The following C19orf47 variants were observed in gnomAD, a reference collection of about 807,000 sequenced individuals.
C19orf47 encodes the protein chromosome 19 open reading frame 47, also known as uncharacterized protein C19orf47.
In C19orf47, 18 loss-of-function variants were observed where a neutral mutation model predicts 32.3. The observed-to-expected ratio is 0.56, with a 90% CI of 0.39 to 0.83. The LOEUF (loss-of-function observed/expected upper bound fraction) is 0.83. C19orf47 is among the 40% of genes least tolerant of loss of function. C19orf47 has a pLI of 0.00. For missense variants in C19orf47, 484 were observed against 531.6 expected (o/e 0.91, Z 0.88); for synonymous variants, 202 against 211.1 (o/e 0.96, Z 0.37).
chr19:40,316,938 C>T (rs1030943558), downstream of C19orf47, among the ~76,000 whole-genome samples: 19 of 140,448 alleles, frequency 1.4e-4, no homozygotes, highest in African/African-American at 4.7e-4. Flanking sequence ...ATCCTATATG[C>T]TCCTCTGCTG....
At chr19:40,330,306 G>A (rs2077923752) in intron 5 of C19orf47, among the ~76,000 whole-genome samples, 1 of 150,742 alleles carries the variant, frequency 6.6e-6, no homozygotes, top group Non-Finnish European at 1.5e-5. Flanking sequence ...TTGACTCACT[G>A]CAAGCTCTGC....
chr19:40,306,681 G>A, the C19orf47 span, among the ~76,000 whole-genome samples: 4 of 152,132 alleles, frequency 2.6e-5, no homozygotes, highest in African/African-American at 7.2e-5. Context: ...GGGATTACAG[G>A]TGTGAGCCAC....
intron 2 of C19orf47, among the ~76,000 whole-genome samples, chr19:40,338,308 C>CATATATATACACAAAT (rs562005758): frequency 6.7e-5 from 10 of 148,268 alleles, no homozygotes; most frequent in African/African-American, 1.7e-4. Context: ...TATATATACA[C>CATATATATACACAAAT]ATATATATAC....
At chr19:40,329,850 T>C (rs2077912374) in intron 5 of C19orf47, among the ~76,000 whole-genome samples, 1 of 152,192 alleles carries the variant, frequency 6.6e-6, no homozygotes, top group Non-Finnish European at 1.5e-5. Context: ...CTGAGTGCAA[T>C]AGGATCAGGA....
intron 1 of C19orf47, among the ~76,000 whole-genome samples, chr19:40,342,872 A>G (rs1429504609): frequency 2.0e-5 from 3 of 152,168 alleles, no homozygotes; most frequent in Non-Finnish European, 4.4e-5. Context: ...CAGGAAGGAC[A>G]CTGGGAGGAG....
chr19:40,345,396 A>G (rs1179403225), intron 1 of C19orf47, among the ~76,000 whole-genome samples: 1 of 151,904 alleles, frequency 6.6e-6, no homozygotes, highest in Non-Finnish European at 1.5e-5. Flanking sequence ...ACTTCCCTCA[A>G]CTGCACAATA....
chr19:40,339,923 C>T (rs1314334662), intron 2 of C19orf47, among the ~76,000 whole-genome samples: 6 of 148,668 alleles, frequency 4.0e-5, no homozygotes, highest in Non-Finnish European at 1.5e-5. Flanking sequence ...TGCGGTGAGC[C>T]GAGATCGCAC....
rs1263418165 is a variant in C19orf47 at position 40,336,363 on chromosome 19, G to A, written c.64C>T (p.Pro22Ser). 2 of 1,614,052 alleles carry A rather than the reference G, an allele frequency of 1.2e-6. No homozygotes were observed. Among genetic ancestry groups the A allele is most frequent in the African/African-American group, 1.3e-5 (1 of 74,942 alleles). Residue 22 changes from proline (P) to serine (S), a missense_variant, in exon 3 of 9, where the codon CCA (proline) becomes TCA (serine). Pro to Ser is a moderately conservative substitution (Grantham distance 74). Coordinates refer to ENST00000683109, the MANE Select transcript of C19orf47 (RefSeq NM_001256441.2). Reference protein sequence around the residue: ...IQFFKEAGIPPGPAVNYAVMF... With the variant: ...IQFFKEAGIPSGPAVNYAVMF... ...ACGGCATAATTGACGGCAGGTCCTGGAGGAATGCCGGCTTCCTTAAAGAAC... is the reference window on the plus strand; with the variant it reads ...ACGGCATAATTGACGGCAGGTCCTGAAGGAATGCCGGCTTCCTTAAAGAAC...
downstream of C19orf47, among the ~76,000 whole-genome samples, chr19:40,316,189 C>T (rs1207950741): frequency 6.6e-6 from 1 of 152,198 alleles, no homozygotes; most frequent in Non-Finnish European, 1.5e-5. Flanking sequence ...CTCATCTCAG[C>T]AGCAGGGGGC....
chr19:40,327,743 T>C (rs1295390131), intron 6 of C19orf47, among the ~76,000 whole-genome samples: 3 of 151,982 alleles, frequency 2.0e-5, no homozygotes, highest in Non-Finnish European at 4.4e-5. Flanking sequence ...AGCTGAGACC[T>C]GGAGGAGGAC....
the C19orf47 span, among the ~76,000 whole-genome samples, chr19:40,307,870 C>T: frequency 2.0e-5 from 3 of 151,328 alleles, no homozygotes; most frequent in African/African-American, 7.3e-5. Flanking sequence ...GCAATTTTGG[C>T]TCACTGCAAC....
At chr19:40,318,556 A>G (rs779029075), downstream of C19orf47, among the ~76,000 whole-genome samples, 22 of 152,234 alleles carry the variant, frequency 1.4e-4, no homozygotes, top group Non-Finnish European at 2.6e-4. Flanking sequence ...CCTATGAAGT[A>G]GAATCAGAGG....
chr19:40,335,483 T>C (rs1405951765), intron 4 of C19orf47, among the ~76,000 whole-genome samples: 1 of 152,180 alleles, frequency 6.6e-6, no homozygotes, highest in Non-Finnish European at 1.5e-5. Flanking sequence ...CAGCAGCTCA[T>C]GCCTGAAATC....
chr19:40,345,842 C>T (rs1324801195), intron 1 of C19orf47, among the ~76,000 whole-genome samples: 1 of 104,258 alleles, frequency 9.6e-6, no homozygotes, highest in Non-Finnish European at 1.8e-5. Context: ...GAGCAAGACT[C>T]AGTCTCAAAA....
Position 40,326,406 on chromosome 19 carries a change from A to G in C19orf47, c.520T>C (p.Tyr174His), listed in dbSNP as rs1162684002. 2 of 1,613,998 alleles carry G rather than the reference A, an allele frequency of 1.2e-6. No individual in the cohort carries two copies. The highest frequency in any genetic ancestry group is 4.5e-5 in the East Asian group (2 of 44,888). ...RRVTAEMEGK[Y>H]VINMPKGTTP... Reference sequence around the variant, plus strand: ...GTGCCTTTGGGCATGTTGATGACGTACTTCCCCTCCATCTCAGCAGTGACC... The same window carrying G: ...GTGCCTTTGGGCATGTTGATGACGTGCTTCCCCTCCATCTCAGCAGTGACC... Residue 174 changes from tyrosine (Y) to histidine (H), a missense_variant, in exon 7 of 9, where the codon TAC (tyrosine) becomes CAC (histidine). Physicochemically the swap from Tyr to His is moderately conservative, Grantham distance 83. This residue lies in a region of C19orf47 where 376 missense variants were observed against 370.2 expected (regional missense o/e 1.02). Transcript: ENST00000683109.
chr19:40,342,598 A>G (rs1297902774), intron 1 of C19orf47, among the ~76,000 whole-genome samples: 1 of 152,170 alleles, frequency 6.6e-6, no homozygotes, highest in Non-Finnish European at 1.5e-5. Flanking sequence ...CCAAACAGTT[A>G]ATATAGTACG....
At chr19:40,344,369 C>T (rs1016202639) in intron 1 of C19orf47, among the ~76,000 whole-genome samples, 13 of 151,880 alleles carry the variant, frequency 8.6e-5, no homozygotes, top group Non-Finnish European at 1.8e-4. Context: ...ATCCCAGCTA[C>T]TCGGCAGGCT....
At chr19:40,323,587 T>C (rs1020926607) in intron 8 of C19orf47, among the ~76,000 whole-genome samples, 4 of 152,108 alleles carry the variant, frequency 2.6e-5, no homozygotes, top group Admixed American at 6.5e-5. Context: ...CTGGGGTCCA[T>C]GGTAACTGTG....
At position 40,323,895 on chromosome 19, in the gene C19orf47, G is replaced by A. The variant is rs1053583197; in HGVS notation, c.663+111C>T. 9 of 1,338,544 alleles carry A rather than the reference G, an allele frequency of 6.7e-6. No individual in the cohort carries two copies. In the African/African-American group the frequency reaches 1.2e-4, roughly 17 times the overall value. The allele number at this position is 1,338,544 out of a possible 1,614,324, so 82.9% of individuals were successfully genotyped here. ...GCCAGGAACTGAGGCTGGAAAGGCA[G>A]GTTAGACGGCCCTGGGCCGAGTGAG... is the stretch of plus-strand genomic sequence containing the variant. On this transcript the variant is annotated intron_variant, in intron 8 of 8. Coordinates refer to ENST00000683109, the MANE Select transcript of C19orf47 (RefSeq NM_001256441.2).
Sources: gnomAD v4.1 joint callset for allele counts (sites outside exome capture counted in the v4.1 genomes callset) on GRCh38, gnomAD v4.1.1 for gene constraint, gnomAD v4.1.1 regional missense constraint, MANE v1.5 for transcripts, NCBI Gene and HGNC (gene_info 2026-07-23, HGNC 2026-07-21) for gene names.